ERLEC1: variants seen among roughly 807,000 people sequenced by gnomAD.
ERLEC1 encodes ER lectin.
ERLEC1 carries 47 observed loss-of-function variants against 68.0 expected under a neutral mutation model. That is an observed-to-expected ratio of 0.69 (90% CI 0.55 to 0.88). The LOEUF is 0.88. Ranked by LOEUF, ERLEC1 falls within the 40% of genes least tolerant of loss-of-function variation. The pLI is 0.00. For synonymous variants in ERLEC1, 225 were observed against 203.2 expected (o/e 1.11, Z -0.91); for missense variants, 567 against 583.8 (o/e 0.97, Z 0.30).
At chr2:53,817,615 T>C (rs1401801811) in intron 13 of ERLEC1, among the ~76,000 whole-genome samples, 1 of 152,352 alleles carries the variant, frequency 6.6e-6, no homozygotes, top group East Asian at 1.9e-4. Context: ...TGTTCTATCA[T>C]TTTTGTTGTA....
chr2:53,798,151 C>T (rs890103397), intron 5 of ERLEC1, among the ~76,000 whole-genome samples: 3 of 152,112 alleles, frequency 2.0e-5, no homozygotes, highest in African/African-American at 4.8e-5. Context: ...GCCGAGATGG[C>T]ACCACTGCAC....
chr2:53,791,402 G>A (rs1675385661), intron 1 of ERLEC1, among the ~76,000 whole-genome samples: 1 of 152,026 alleles, frequency 6.6e-6, no homozygotes, highest in Non-Finnish European at 1.5e-5. Context: ...ATCTAATTCT[G>A]TACATTCAGA....
intron 13 of ERLEC1, among the ~76,000 whole-genome samples, chr2:53,815,511 T>C (rs1181232785): frequency 6.6e-6 from 1 of 152,178 alleles, no homozygotes; most frequent in East Asian, 1.9e-4. Context: ...CATGTAACTA[T>C]CACCCAAAAC....
At chr2:53,814,825 A>C in intron 12 of ERLEC1, 35 bp from the exon 13 acceptor site, 1 of 1,493,492 alleles carries the variant, frequency 6.7e-7, no homozygotes, top group Non-Finnish European at 9.3e-7. Flanking sequence ...ACTTTAAATG[A>C]TTTGGACAGT....
At chr2:53,815,082 T>G (rs573047272) in intron 13 of ERLEC1, 147 bp downstream of exon 13, 218 of 532,744 alleles carry the variant, frequency 4.1e-4, no homozygotes, top group Admixed American at 8.7e-4. Context: ...CTTGGCTCAC[T>G]GCAACCTCTG....
rs141925489 is a variant in ERLEC1 at position 53,795,951 on chromosome 2, A to C, written c.286A>C (p.Lys96Gln). ...TTCTTAGGAAGAAGAAAAGGATTAT[A>C]AAGGCCCTAATCCAAGAGAGCTTTT... ...SGDEEEEKDY[K>Q]GPNPRELLEP... The change falls in exon 3 of 14, where the codon AAA becomes CAA. Residue 96 changes from lysine (K) to glutamine (Q), a missense_variant. Lys to Gln is a moderately conservative substitution (Grantham distance 53). Transcript: ENST00000185150. 228 of 1,599,266 alleles carry C rather than the reference A, an allele frequency of 1.4e-4. No individual in the cohort carries two copies. Among genetic ancestry groups the C allele is most frequent in the Middle Eastern group, 3.3e-4 (2 of 6,050 alleles).
At chr2:53,817,365 C>G (rs922215818) in intron 13 of ERLEC1, among the ~76,000 whole-genome samples, 2 of 151,946 alleles carry the variant, frequency 1.3e-5, no homozygotes, top group Non-Finnish European at 2.9e-5. Flanking sequence ...GATCTTCTGC[C>G]CTCACGATCC....
chr2:53,804,287 CTT>C (rs1239853571), intron 8 of ERLEC1, among the ~76,000 whole-genome samples: 2 of 151,796 alleles, frequency 1.3e-5, no homozygotes, highest in Non-Finnish European at 2.9e-5. Flanking sequence ...GAGTTTCACT[CTT>C]TCCCCTAAGC....
At chr2:53,801,360 C>G (rs539516239) in intron 6 of ERLEC1, 37 bp from the exon 7 acceptor site, 1 of 1,534,814 alleles carries the variant, frequency 6.5e-7, no homozygotes, top group East Asian at 2.3e-5. Context: ...ATCTCCATGT[C>G]TAATGAAAAG....
chr2:53,815,148 G>A (rs887287455), intron 13 of ERLEC1, among the ~76,000 whole-genome samples: 90 of 151,824 alleles, frequency 5.9e-4, no homozygotes, highest in African/African-American at 2.2e-3. Context: ...TGGGATTACA[G>A]GCGCACACCA....
At chr2:53,813,788 A>G (rs1252206839) in intron 11 of ERLEC1, among the ~76,000 whole-genome samples, 1 of 151,880 alleles carries the variant, frequency 6.6e-6, no homozygotes, top group Non-Finnish European at 1.5e-5. Flanking sequence ...ATTAAAACAT[A>G]GACTTTTTTT....
In ERLEC1 at chr2:53,787,133, C is replaced by T; in HGVS notation, c.-78C>T. 1.4e-6 allele frequency: 2 copies of T among 1,380,680 alleles called. No homozygotes were observed. The highest frequency in any genetic ancestry group is 9.5e-7 in the Non-Finnish European group (1 of 1,056,300). The allele number at this position is 1,380,680 out of a possible 1,614,324, so 85.5% of individuals were successfully genotyped here. A position where few individuals can be genotyped will look rare whatever the true frequency, so the allele number is the denominator to read the frequency against. ...CGCTTTATAGTCCCGCCGCCTCCTC[C>T]TCCACCTCCTCCTCCTCCTCCTCTC... On this transcript the variant is annotated 5_prime_UTR_variant, in exon 1 of 14. Transcript: ENST00000185150.
intron 10 of ERLEC1, among the ~76,000 whole-genome samples, chr2:53,811,413 C>T (rs759350501): frequency 3.9e-5 from 6 of 152,194 alleles, no homozygotes; most frequent in Non-Finnish European, 8.8e-5. Flanking sequence ...GACCAGTTTA[C>T]ACTCCCATAA....
In ERLEC1 at chr2:53,798,040, C is replaced by G. The variant is rs540381181; in HGVS notation, c.490+245C>G. 1.2e-4 allele frequency among the ~76,000 whole-genome samples: 18 copies of G among 152,156 alleles called. No individual in the cohort carries two copies. The East Asian group carries it at 3.3e-3, about 28-fold the overall frequency. On this transcript the variant is annotated intron_variant, in intron 5 of 13. Transcript: ENST00000185150. Reference sequence around the variant, plus strand: ...TGAAACCCCGTCTCTATTAAAAATACAAAAATTAGCCGGGCGTGGTGGCAG... The same window carrying G: ...TGAAACCCCGTCTCTATTAAAAATAGAAAAATTAGCCGGGCGTGGTGGCAG...
At chr2:53,791,281 C>T (rs963389301) in intron 1 of ERLEC1, among the ~76,000 whole-genome samples, 43 of 152,048 alleles carry the variant, frequency 2.8e-4, no homozygotes, top group African/African-American at 1.0e-3. Context: ...TGTCAAATCT[C>T]TAATAAAATT....
chr2:53,806,589 G>C (rs1358292760), intron 8 of ERLEC1, among the ~76,000 whole-genome samples: 1 of 152,126 alleles, frequency 6.6e-6, no homozygotes, highest in African/African-American at 2.4e-5. Flanking sequence ...CAAAAAATAA[G>C]ACAGCATCTT....
Position 53,787,236 on chromosome 2 carries a change from G to T in ERLEC1, c.26G>T (p.Arg9Leu). 1 of 1,605,702 alleles carries T rather than the reference G, an allele frequency of 6.2e-7. No homozygotes were observed. MEEGGGGV[R>L]SLVPGGPVLL... ...ATGGAGGAAGGAGGCGGCGGCGTAC[G>T]GAGTCTGGTCCCGGGCGGGCCGGTG... The change falls in exon 1 of 14, where the codon CGG becomes CTG. Residue 9 changes from arginine (R) to leucine (L), a missense_variant. Arg to Leu is a moderately radical substitution (Grantham distance 102). Transcript: ENST00000185150.
intron 9 of ERLEC1, among the ~76,000 whole-genome samples, chr2:53,808,690 T>A (rs1375289105): frequency 5.9e-5 from 9 of 152,342 alleles, no homozygotes; most frequent in Admixed American, 5.9e-4. Flanking sequence ...ACCTTTTGTC[T>A]GGCAATCATA....
Position 53,796,788 on chromosome 2 carries a change from G to C in ERLEC1, c.349-727G>C, listed in dbSNP as rs571750705. Among the ~76,000 whole-genome samples, 73 of 151,272 alleles carry C rather than the reference G, an allele frequency of 4.8e-4. No individual in the cohort carries two copies. In the South Asian group the frequency reaches 6.7e-3, roughly 14 times the overall value. ...TAATATCTTATTCATTTAAATTCCTGTCTAGTGTATGCAGCAGATACCCAA... is the reference window on the plus strand; with the variant it reads ...TAATATCTTATTCATTTAAATTCCTCTCTAGTGTATGCAGCAGATACCCAA... On this transcript the variant is annotated intron_variant, in intron 3 of 13. Coordinates refer to ENST00000185150, the MANE Select transcript of ERLEC1 (RefSeq NM_015701.5).
Sources: gnomAD v4.1 joint callset for allele counts (sites outside exome capture counted in the v4.1 genomes callset) on GRCh38, gnomAD v4.1.1 for gene constraint, MANE v1.5 for transcripts, NCBI Gene and HGNC (gene_info 2026-07-23, HGNC 2026-07-21) for gene names.